The following CCDC73 variants were observed in gnomAD, a reference collection of about 807,000 sequenced individuals.
The protein encoded by CCDC73 is coiled-coil domain containing 73.
A neutral mutation model predicts 116.5 loss-of-function variants in CCDC73; 95 were observed. That is an observed-to-expected ratio of 0.82 (90% CI 0.69 to 0.97). CCDC73 has a LOEUF of 0.97. Ranked by LOEUF, CCDC73 falls within the 50% of genes least tolerant of loss-of-function variation. The pLI, the probability that CCDC73 is intolerant of heterozygous loss-of-function variation, is 0.00. For synonymous variants in CCDC73, 398 were observed against 401.3 expected, an observed-to-expected ratio of 0.99 and a Z score of 0.10; for missense variants, 1,066 against 1,206.8, an observed-to-expected ratio of 0.88 and a Z score of 1.73.
intron 2 of CCDC73, among the ~76,000 whole-genome samples, chr11:32,737,230 GCTGT>G (rs1458634900): frequency 8.2e-5 from 9 of 110,014 alleles, no homozygotes; most frequent in Non-Finnish European, 1.7e-4. Context: ...ACATAGTAGG[GCTGT>G]GTGTGTGTGT....
chr11:32,625,824 G>A (rs914871566), intron 14 of CCDC73, among the ~76,000 whole-genome samples: 91 of 151,912 alleles, frequency 6.0e-4, no homozygotes, highest in Non-Finnish European at 8.4e-4. Context: ...TTGATGGGAC[G>A]TATCTCAAAC....
rs1590603166 is a variant in CCDC73, at chr11:32,702,917, A to G, written c.235T>C (p.Leu79=). ...KETLQNQKET[L]AEQHKEAMAV... ...ATTGCTTCCTTGTGTTGCTCTGCCA[A>G]TGTTTCCTTTTGATTCTGAAGAGTT... Residue 79 remains leucine, a synonymous_variant, in exon 4 of 18, where the codon TTG becomes CTG. Transcript: ENST00000335185. The G allele has an allele frequency of 1.2e-6, 2 of 1,613,270 alleles. No homozygotes were observed.
the CCDC73 span, among the ~76,000 whole-genome samples, chr11:32,809,557 C>G: frequency 1.3e-5 from 2 of 152,252 alleles, no homozygotes; most frequent in East Asian, 3.9e-4. Flanking sequence ...GTGCCCTTAC[C>G]CTTGCTGCAA....
chr11:32,829,687 T>C, the CCDC73 span: 5,147 of 825,134 alleles, frequency 6.2e-3, 214 homozygotes, highest in African/African-American at 0.085. Context: ...ATTAGGATCA[T>C]TGAGAACGCC....
intron 3 of CCDC73, among the ~76,000 whole-genome samples, chr11:32,704,426 C>T (rs750007322): frequency 1.3e-5 from 2 of 152,244 alleles, no homozygotes; most frequent in Non-Finnish European, 2.9e-5. Context: ...ACATGCCAGA[C>T]CCTGGCTGCC....
intron 12 of CCDC73, among the ~76,000 whole-genome samples, chr11:32,646,068 C>G (rs1468458184): frequency 6.6e-6 from 1 of 152,142 alleles, no homozygotes; most frequent in East Asian, 1.9e-4. Context: ...ACCACAGTCT[C>G]TATCCTAGTA....
intron 2 of CCDC73, among the ~76,000 whole-genome samples, chr11:32,745,363 A>C (rs927284327): frequency 1.3e-5 from 2 of 152,204 alleles, no homozygotes; most frequent in African/African-American, 4.8e-5. Context: ...TGTGGTGCCA[A>C]GAAGAATGTA....
At chr11:32,643,699 T>C (rs1468378824) in intron 12 of CCDC73, among the ~76,000 whole-genome samples, 2 of 152,170 alleles carry the variant, frequency 1.3e-5, no homozygotes, top group African/African-American at 4.8e-5. Context: ...ATAAGGTACT[T>C]ACCATGAACG....
At chr11:32,718,212 C>T in intron 2 of CCDC73, 65 bp from the exon 3 acceptor site, 2 of 1,078,682 alleles carry the variant, frequency 1.9e-6, no homozygotes, top group Non-Finnish European at 1.4e-6. Flanking sequence ...AGTTTCAGCT[C>T]TTTCTGGAGA....
At chr11:32,629,022 T>A (rs1258563922) in intron 14 of CCDC73, among the ~76,000 whole-genome samples, 3 of 151,580 alleles carry the variant, frequency 2.0e-5, no homozygotes, top group Admixed American at 2.0e-4. Context: ...TAAATAAAAT[T>A]AAAAACTCAC....
In CCDC73 at chr11:32,690,124, T is replaced by TTTCCC. The variant is rs531741565; in HGVS notation, c.391-6551_391-6550insGGGAA. On this transcript the variant is annotated intron_variant, in intron 6 of 17. Coordinates refer to ENST00000335185, the MANE Select transcript of CCDC73 (RefSeq NM_001008391.4). ...CTTAGGAGTTTGAAAGGAGAAAATA[T>TTTCCC]AAAGACTCGTTGGGGAAGGTAATAC... Among the ~76,000 whole-genome samples the TTTCCC allele has an allele frequency of 3.5e-3, 538 of 152,278 alleles. 6 individuals are homozygous for TTTCCC. The highest frequency in any genetic ancestry group is 0.012 in the African/African-American group (519 of 41,576).
chr11:32,686,365 G>A (rs1458168456), intron 6 of CCDC73, among the ~76,000 whole-genome samples: 2 of 150,234 alleles, frequency 1.3e-5, no homozygotes, highest in Non-Finnish European at 3.0e-5. Flanking sequence ...GATCCAAGCA[G>A]AGATGGCAAA....
At chr11:32,761,483 G>T (rs189456467) in intron 1 of CCDC73, among the ~76,000 whole-genome samples, 1 of 151,984 alleles carries the variant, frequency 6.6e-6, no homozygotes. Flanking sequence ...AGTGAATATT[G>T]AGTCCATTTT....
chr11:32,683,239 G>A lies in CCDC73; in HGVS notation c.429+297C>T, dbSNP rs145115913. 5.5e-3 allele frequency: 1,978 copies of A among 356,568 alleles called. 16 individuals carry two copies. Among genetic ancestry groups the A allele is most frequent in the Non-Finnish European group, 8.4e-3 (1,610 of 191,260 alleles). The allele number at this position is 356,568 out of a possible 1,614,324, so 22.1% of individuals were successfully genotyped here. On this transcript the variant is annotated intron_variant, in intron 7 of 17. Coordinates refer to ENST00000335185, the MANE Select transcript of CCDC73 (RefSeq NM_001008391.4). ...AAATACTCCAATGAGCATTTTCTTA[G>A]AGCATCATGTTGACACTCAAAAAGT... is the stretch of plus-strand genomic sequence containing the variant.
chr11:32,731,245 G>A (rs1213780871), intron 2 of CCDC73, among the ~76,000 whole-genome samples: 1 of 152,138 alleles, frequency 6.6e-6, no homozygotes, highest in East Asian at 1.9e-4. Flanking sequence ...CACCACTGCT[G>A]AGGCTTGAGT....
intron 6 of CCDC73, among the ~76,000 whole-genome samples, chr11:32,692,477 C>T (rs1005421198): frequency 4.6e-5 from 7 of 151,708 alleles, no homozygotes; most frequent in African/African-American, 9.7e-5. Context: ...TTAAATATCG[C>T]TTTGGTTCTA....
rs139768031 is a variant in CCDC73 at position 32,762,555 on chromosome 11, T to C, written c.-15-2297A>G. Among the ~76,000 whole-genome samples, 1,520 of 152,108 alleles carry C rather than the reference T, an allele frequency of 1.0e-2. 29 individuals are homozygous for C. Among genetic ancestry groups the C allele is most frequent in the African/African-American group, 0.035 (1,438 of 41,482 alleles). Reference sequence around the variant, plus strand: ...GCTGAACCAAAAGTAACCCACCTTCTACAGGAGAGGTGCCTTGGTGTCAAG... The same window carrying C: ...GCTGAACCAAAAGTAACCCACCTTCCACAGGAGAGGTGCCTTGGTGTCAAG... On this transcript the variant is annotated intron_variant, in intron 1 of 17. Transcript: ENST00000335185.
chr11:32,787,718 T>A (rs911989805), intron 1 of CCDC73, among the ~76,000 whole-genome samples: 1 of 152,138 alleles, frequency 6.6e-6, no homozygotes, highest in Non-Finnish European at 1.5e-5. Context: ...AAAAAGTGAA[T>A]CTTTGTGTGA....
intron 1 of CCDC73, among the ~76,000 whole-genome samples, chr11:32,767,691 C>A (rs1262709058): frequency 2.0e-5 from 3 of 152,162 alleles, no homozygotes; most frequent in African/African-American, 7.2e-5. Context: ...CAAAAGAAGA[C>A]ATTTATGCAG....
Sources: allele counts gnomAD v4.1 joint callset (sites outside exome capture counted in the v4.1 genomes callset), GRCh38; gene constraint gnomAD v4.1.1; transcripts MANE v1.5; gene names NCBI Gene and HGNC (gene_info 2026-07-23, HGNC 2026-07-21).